Variants in B3GAT1 observed in about 807,000 individuals in gnomAD.
B3GAT1 encodes the protein galactosylgalactosylxylosylprotein 3-beta-glucuronosyltransferase 1.
In B3GAT1, 11 loss-of-function variants were observed where a neutral mutation model predicts 28.4. The observed-to-expected ratio is 0.39, with a 90% CI of 0.24 to 0.64. The LOEUF is 0.64. Among genes scored for constraint, B3GAT1 ranks in the 30% least tolerant of loss-of-function variants. The probability of loss-of-function intolerance (pLI) is 0.50; values close to 1 mark genes in which losing one functional copy is unlikely to be tolerated. For missense variants in B3GAT1, 375 were observed against 491.0 expected (o/e 0.76, Z 2.23); for synonymous variants, 255 against 223.1 (o/e 1.14, Z -1.27).
At chr11:134,400,827 G>A (rs34702205) in intron 1 of B3GAT1, among the ~76,000 whole-genome samples, 23,772 of 152,046 alleles carry the variant, frequency 0.16, 2,146 homozygotes, top group African/African-American at 0.25. Context: ...CAGAGTGAAC[G>A]GACAACCTAC....
intron 1 of B3GAT1, among the ~76,000 whole-genome samples, chr11:134,404,936 C>T (rs998771494): frequency 5.3e-5 from 8 of 152,226 alleles, no homozygotes; most frequent in African/African-American, 1.9e-4. Context: ...TGGGCCGGGC[C>T]TGTGTCGGTC....
rs1944873581 is a variant in B3GAT1, at chr11:134,412,121, G to T, written c.-596C>A. On this transcript the variant is annotated 5_prime_UTR_variant, in exon 1 of 6. Transcript: ENST00000312527. ...GGGGCGGGGAGGGGGAGCGGGGAGGGGGAGCGGGGAGCGGGCGCGGGGGCG... is the reference window on the plus strand; with the variant it reads ...GGGGCGGGGAGGGGGAGCGGGGAGGTGGAGCGGGGAGCGGGCGCGGGGGCG... Among the ~76,000 whole-genome samples, 1 of 137,194 alleles carries T rather than the reference G, an allele frequency of 7.3e-6. No homozygotes were observed. The allele number at this position is 137,194 out of a possible 152,430, so 90.0% of individuals were successfully genotyped here.
In B3GAT1 at chr11:134,381,994, G is replaced by T; in HGVS notation, c.949C>A (p.Pro317Thr). The change falls in exon 5 of 6, where the codon CCA (proline) becomes ACA (threonine). Residue 317 changes from proline (P) to threonine (T), a missense_variant. Coordinates refer to ENST00000312527, the MANE Select transcript of B3GAT1 (RefSeq NM_054025.3). ...ILVWHTRTEK[P>T]VLVNEGKKGF... ...TTCTTGCCCTCATTCACCAGCACTG[G>T]CTTCTCTGTCCGTGTGTGCCACACC... 6.2e-7 allele frequency: 1 copy of T among 1,614,118 alleles called. No homozygotes were observed. The highest frequency in any genetic ancestry group is 8.5e-7 in the Non-Finnish European group (1 of 1,180,036).
At chr11:134,395,670 C>T (rs1944491338) in intron 1 of B3GAT1, among the ~76,000 whole-genome samples, 1 of 152,096 alleles carries the variant, frequency 6.6e-6, no homozygotes, top group Non-Finnish European at 1.5e-5. Context: ...CTTTGCCCTC[C>T]TTCCTTGCTA....
chr11:134,411,831 T>G lies in B3GAT1; in HGVS notation c.-306A>C, dbSNP rs1944864616. The G allele has an allele frequency of 6.6e-6, 1 of 150,930 alleles. No homozygotes were observed. Among genetic ancestry groups the G allele is most frequent in the African/African-American group, 2.4e-5 (1 of 40,928 alleles). The allele number at this position is 150,930 out of a possible 1,614,324, so 9.3% of individuals were successfully genotyped here. A position where few individuals can be genotyped will look rare whatever the true frequency, so the allele number is the denominator to read the frequency against. ...CCTGCGGCGACGAGTCCGGAGCGTC[T>G]CCGGTGCGGTCCATCGCGGGCAACG... On this transcript the variant is annotated 5_prime_UTR_variant, in exon 1 of 6. Transcript: ENST00000312527. This position sits in a 1 kb window ranked among gnomAD's most constrained non-coding sequence, Gnocchi z 6.0.
At chr11:134,383,152 C>T in intron 3 of B3GAT1, 146 bp from the exon 4 acceptor site, 3 of 886,894 alleles carry the variant, frequency 3.4e-6, no homozygotes, top group Non-Finnish European at 3.3e-6. Context: ...TACAGCCCTG[C>T]CCCCAGGACC....
At chr11:134,385,517 CTG>C (rs1491441623) in intron 2 of B3GAT1, 2 of 151,936 alleles carry the variant, frequency 1.3e-5, no homozygotes, top group African/African-American at 2.4e-5. Flanking sequence ...TTAGAGGAGT[CTG>C]GGGTCAAACT....
chr11:134,404,027 A>ATTTATTTATT lies in B3GAT1; in HGVS notation c.-282+7779_-282+7780insAATAAATAAA, dbSNP rs1438156680. On this transcript the variant is annotated intron_variant, in intron 1 of 5. Transcript: ENST00000312527. ...TATATATATATATATATATATATAT[A>ATTTATTTATT]TATTTATTATACGTTAAGTTCTAGG... Among the ~76,000 whole-genome samples the ATTTATTTATT allele has an allele frequency of 1.8e-3, 195 of 106,734 alleles. 4 individuals are homozygous for ATTTATTTATT. The highest frequency in any genetic ancestry group is 6.7e-3 in the African/African-American group (173 of 25,912). 70.0% of individuals were successfully genotyped at this position (106,734 alleles called of 152,430 possible).
Position 134,384,194 on chromosome 11 carries a change from G to A in B3GAT1, c.113-6C>T. 1 of 1,529,312 alleles carries A rather than the reference G, an allele frequency of 6.5e-7. No homozygotes were observed. Among genetic ancestry groups the A allele is most frequent in the Non-Finnish European group, 8.8e-7 (1 of 1,139,044 alleles). The allele number at this position is 1,529,312 out of a possible 1,614,324, so 94.7% of individuals were successfully genotyped here. ...TCGGGGGTCACTGCCCTCATCTGCG[G>A]AGTCGGGAGACCGGCGATGTGGGAG... On this transcript the variant is annotated splice_region_variant and splice_polypyrimidine_tract_variant and intron_variant, in intron 2 of 5. Coordinates refer to ENST00000312527, the MANE Select transcript of B3GAT1 (RefSeq NM_054025.3).
intron 1 of B3GAT1, among the ~76,000 whole-genome samples, chr11:134,397,410 G>A (rs536674633): frequency 6.9e-6 from 1 of 145,156 alleles, no homozygotes; most frequent in South Asian, 2.1e-4. Context: ...CCTGTTCCCT[G>A]GCCATCTCTG....
intron 1 of B3GAT1, among the ~76,000 whole-genome samples, chr11:134,408,106 G>C (rs1466231851): frequency 1.3e-5 from 2 of 152,212 alleles, no homozygotes; most frequent in African/African-American, 4.8e-5. Context: ...CTTTGGGTTG[G>C]GATAAGGAAG....
At chr11:134,394,117 C>T (rs535539661) in intron 1 of B3GAT1, among the ~76,000 whole-genome samples, 1 of 152,310 alleles carries the variant, frequency 6.6e-6, no homozygotes, top group East Asian at 1.9e-4. Flanking sequence ...GACCTCACAC[C>T]ATATAGGAGC....
In B3GAT1 at chr11:134,387,717, G is replaced by C. The variant is rs866213797; in HGVS notation, c.-58C>G. 1.2e-6 allele frequency: 2 copies of C among 1,609,120 alleles called. No individual in the cohort carries two copies. The highest frequency in any genetic ancestry group is 1.1e-5 in the South Asian group (1 of 90,382). On this transcript the variant is annotated 5_prime_UTR_variant, in exon 2 of 6. Coordinates refer to ENST00000312527, the MANE Select transcript of B3GAT1 (RefSeq NM_054025.3). ...TACCTGAGTGGCGGTAAGTTCAGGA[G>C]AGGGGCGGCCACGGGCGGCGGCAGC...
At chr11:134,408,019 T>C (rs1944767016) in intron 1 of B3GAT1, among the ~76,000 whole-genome samples, 1 of 152,190 alleles carries the variant, frequency 6.6e-6, no homozygotes, top group Non-Finnish European at 1.5e-5. Flanking sequence ...AAGGATTACA[T>C]TTAACAATAA....
At chr11:134,404,083 A>T (rs1944682728) in intron 1 of B3GAT1, among the ~76,000 whole-genome samples, 1 of 146,110 alleles carries the variant, frequency 6.8e-6, no homozygotes, top group Admixed American at 6.9e-5. Flanking sequence ...GGTTTGTTAC[A>T]TATGTATACA....
chr11:134,392,114 T>C (rs1190779843), intron 1 of B3GAT1: 1 of 152,190 alleles, frequency 6.6e-6, no homozygotes, highest in African/African-American at 2.4e-5. Context: ...GATGAAGGGA[T>C]GTCCTATGTG....
At chr11:134,406,472 C>A (rs576340694) in intron 1 of B3GAT1, among the ~76,000 whole-genome samples, 2 of 141,550 alleles carry the variant, frequency 1.4e-5, no homozygotes, top group East Asian at 4.9e-4. Context: ...CAGGAATAAT[C>A]CCATCCTAGG....
intron 1 of B3GAT1, chr11:134,391,482 G>A (rs972220606): frequency 1.3e-5 from 2 of 152,432 alleles, no homozygotes; most frequent in African/African-American, 4.8e-5. Context: ...CTTGGAGGAG[G>A]GCGGTGTTTG....
chr11:134,384,225 C>T, intron 2 of B3GAT1, 37 bp from the exon 3 acceptor site: 1 of 1,513,494 alleles, frequency 6.6e-7, no homozygotes, highest in Non-Finnish European at 8.8e-7. Context: ...GGGAGGAGAG[C>T]GCCGGCTACG....
Sources: gnomAD v4.1 joint callset for allele counts (sites outside exome capture counted in the v4.1 genomes callset) on GRCh38, gnomAD v4.1.1 for gene constraint, Gnocchi (gnomAD v3.1) non-coding constraint, MANE v1.5 for transcripts, NCBI Gene and HGNC (gene_info 2026-07-23, HGNC 2026-07-21) for gene names.